BECN1: variants seen among roughly 807,000 people sequenced by gnomAD.
The protein encoded by BECN1 is beclin-1.
A neutral mutation model predicts 60.1 loss-of-function variants in BECN1; 15 were observed. The ratio of observed to expected loss-of-function variants is 0.25; its 90% CI spans 0.17 to 0.38. The LOEUF (loss-of-function observed/expected upper bound fraction) is 0.38. Among genes scored for constraint, BECN1 ranks in the 10% least tolerant of loss-of-function variants. BECN1 has a pLI of 1.00. For missense variants in BECN1, 424 were observed against 548.2 expected, an observed-to-expected ratio of 0.77 and a Z score of 2.26; for synonymous variants, 179 against 201.8, an observed-to-expected ratio of 0.89 and a Z score of 0.96.
intron 2 of BECN1, among the ~76,000 whole-genome samples, chr17:42,822,293 C>T (rs2055282458): frequency 6.6e-6 from 1 of 152,158 alleles, no homozygotes; most frequent in African/African-American, 2.4e-5. Context: ...ACTATTTGCC[C>T]AGCAAATTCC....
At chr17:42,821,952 G>T (rs1207967899) in intron 2 of BECN1, among the ~76,000 whole-genome samples, 2 of 152,138 alleles carry the variant, frequency 1.3e-5, no homozygotes, top group African/African-American at 4.8e-5. Context: ...CACGCCTGTA[G>T]TCCCAGCACT....
rs2055325851 is a variant in BECN1, at chr17:42,823,785, G to T, written c.93C>A (p.Phe31Leu). 6.2e-7 allele frequency: 1 copy of T among 1,614,094 alleles called. No homozygotes were observed. ...GGATGGTGACACGGTCCAGGATCTT[G>T]AAACTCGTGTCCAGTTTCAGGGGCT... Reference protein sequence around the residue: ...CSQPLKLDTSFKILDRVTIQE... With the variant: ...CSQPLKLDTSLKILDRVTIQE... The change falls in exon 2 of 12, where the codon TTC becomes TTA. Residue 31 changes from phenylalanine to leucine, a missense_variant. Coordinates refer to ENST00000590099, the MANE Select transcript of BECN1 (RefSeq NM_001313998.2).
At chr17:42,823,094 AC>A (rs1157040667) in intron 2 of BECN1, among the ~76,000 whole-genome samples, 2 of 152,108 alleles carry the variant, frequency 1.3e-5, no homozygotes, top group African/African-American at 4.8e-5. Context: ...ATGACGGTAT[AC>A]CCCGTACGGG....
At chr17:42,811,543 C>T in intron 11 of BECN1, 112 bp downstream of exon 11, 1 of 1,401,180 alleles carries the variant, frequency 7.1e-7, no homozygotes, top group Non-Finnish European at 9.7e-7. Flanking sequence ...TGATTCTGTG[C>T]CATTTTTTTG....
chr17:42,814,816 C>A, intron 8 of BECN1, 143 bp from the exon 9 acceptor site: 2 of 1,050,216 alleles, frequency 1.9e-6, no homozygotes, highest in Non-Finnish European at 2.7e-6. Flanking sequence ...AATACATGTC[C>A]AAAACTTGAG....
intron 5 of BECN1, 33 bp downstream of exon 5, chr17:42,818,754 C>G: frequency 1.2e-6 from 2 of 1,613,998 alleles, no homozygotes; most frequent in Non-Finnish European, 1.7e-6. Flanking sequence ...CCAGCCAGGC[C>G]TACTGCTTGC....
chr17:42,821,810 T>C (rs1171531434), intron 2 of BECN1, among the ~76,000 whole-genome samples: 1 of 152,172 alleles, frequency 6.6e-6, no homozygotes, highest in Non-Finnish European at 1.5e-5. Context: ...AATGTGAGAA[T>C]ATGGCTGATT....
chr17:42,823,391 A>C (rs2055312515), intron 2 of BECN1, among the ~76,000 whole-genome samples: 2 of 152,024 alleles, frequency 1.3e-5, no homozygotes, highest in South Asian at 4.1e-4. Flanking sequence ...AGTAGCTGGG[A>C]CTACAGGCAC....
rs1445415498 is a variant in BECN1, at chr17:42,820,897, C to T, written c.131-56G>A. ...CAGTCTTATTAAAGCAGGAGGGCAT[C>T]TGAAAGTATGGGAAAAGAATGTGAA... On this transcript the variant is annotated intron_variant, in intron 2 of 11. Transcript: ENST00000590099. The T allele has an allele frequency of 2.8e-6, 4 of 1,451,072 alleles. No individual in the cohort carries two copies. In the African/African-American group the frequency reaches 5.6e-5, roughly 20 times the overall value. The allele number at this position is 1,451,072 out of a possible 1,614,324, so 89.9% of individuals were successfully genotyped here. A position where few individuals can be genotyped will look rare whatever the true frequency, so the allele number is the denominator to read the frequency against.
chr17:42,818,860 C>T lies in BECN1; in HGVS notation c.278G>A (p.Ser93Asn), dbSNP rs2055202061. The T allele has an allele frequency of 3.7e-6, 6 of 1,614,060 alleles. No homozygotes were observed. Among genetic ancestry groups the T allele is most frequent in the Non-Finnish European group, 5.1e-6 (6 of 1,180,034 alleles). ...CCCAATCAGAGTGAAGCTGTTGGCA[C>T]TTTCTGTGGACATCATCCTGCAGAC... is the stretch of plus-strand genomic sequence containing the variant. ...IPPARMMSTE[S>N]ANSFTLIGEA... The change falls in exon 5 of 12, where the codon AGT (serine) becomes AAT (asparagine). Residue 93 changes from serine (S) to asparagine (N), a missense_variant. Physicochemically the swap from Ser to Asn is conservative, Grantham distance 46 (BLOSUM62 1). Around this residue, in one of 3 missense-constraint regions of BECN1, gnomAD observed 96 missense variants for 125.6 expected, o/e 0.76. Coordinates refer to ENST00000590099, the MANE Select transcript of BECN1 (RefSeq NM_001313998.2).
chr17:42,821,379 T>C (rs1459081317), intron 2 of BECN1, among the ~76,000 whole-genome samples: 1 of 152,186 alleles, frequency 6.6e-6, no homozygotes, highest in Non-Finnish European at 1.5e-5. Flanking sequence ...TAAGAATCCT[T>C]ATCTGTCAAA....
intron 11 of BECN1, 38 bp downstream of exon 11, chr17:42,811,617 G>T: frequency 1.3e-6 from 2 of 1,584,636 alleles, no homozygotes; most frequent in South Asian, 1.1e-5. Flanking sequence ...GTTCAATTTG[G>T]TCCTATACAA....
Position 42,823,977 on chromosome 17 carries a change from G to C in BECN1, c.-2-98C>G, listed in dbSNP as rs541675886. 4.1e-6 allele frequency: 6 copies of C among 1,457,320 alleles called. No homozygotes were observed. The African/African-American group carries it at 8.4e-5, about 20-fold the overall frequency. The allele number at this position is 1,457,320 out of a possible 1,614,324, so 90.3% of individuals were successfully genotyped here. On this transcript the variant is annotated intron_variant, in intron 1 of 11. Transcript: ENST00000590099. ...CCTTGGTGACGATGGTAAAGGGAGG[G>C]AAGTCCCAACCTGCGCCGTTCCCTC...
intron 7 of BECN1, among the ~76,000 whole-genome samples, chr17:42,816,800 G>A (rs1315734866): frequency 4.1e-5 from 6 of 146,826 alleles, no homozygotes; most frequent in Admixed American, 2.7e-4. Flanking sequence ...GTGAAATTCC[G>A]TCTCTACTAA....
chr17:42,821,984 A>C (rs1359170761), intron 2 of BECN1, among the ~76,000 whole-genome samples: 1 of 152,228 alleles, frequency 6.6e-6, no homozygotes, highest in Non-Finnish European at 1.5e-5. Flanking sequence ...AGGCGGGCAG[A>C]TCACAAGGTC....
chr17:42,824,019 C>T, intron 1 of BECN1, 136 bp downstream of exon 1: 1 of 1,097,830 alleles, frequency 9.1e-7, no homozygotes. Context: ...TGGTATGATA[C>T]GGGGAGGACC....
chr17:42,821,468 T>C (rs970203213), intron 2 of BECN1, among the ~76,000 whole-genome samples: 1 of 152,216 alleles, frequency 6.6e-6, no homozygotes, highest in African/African-American at 2.4e-5. Context: ...GATGGGGCTG[T>C]AGACAAAACT....
chr17:42,818,544 T>G lies in BECN1; in HGVS notation c.488A>C (p.Lys163Thr), dbSNP rs781350341. 6.2e-7 allele frequency: 1 copy of G among 1,614,164 alleles called. No individual in the cohort carries two copies. Among genetic ancestry groups the G allele is most frequent in the Non-Finnish European group, 8.5e-7 (1 of 1,180,012 alleles). ...NVTENECQNY[K>T]RCLEILEQMN... ...GAGCCCTGGCTCTGGAGACACTCAC[T>G]TGTAGTTCTGACACTCATTTTCAGT... Residue 163 changes from lysine (K) to threonine (T), a missense_variant and splice_region_variant, in exon 6 of 12, where the codon AAA (lysine) becomes ACA (threonine). Transcript: ENST00000590099.
At position 42,810,764 on chromosome 17, in the gene BECN1, T is replaced by G. The variant is rs769656999; in HGVS notation, c.1349A>C (p.Lys450Thr). 1 of 1,599,582 alleles carries G rather than the reference T, an allele frequency of 6.3e-7. No individual in the cohort carries two copies. Among genetic ancestry groups the G allele is most frequent in the African/African-American group, 1.3e-5 (1 of 74,352 alleles). ...ACCTCCCCCTAAGGAAAAAAGTCAT[T>G]TGTTATAAAATTGTGAGGACACCCA... ...LAWVSSQFYNK is the reference protein window; with the variant it reads ...LAWVSSQFYNT The change falls in exon 12 of 12, where the codon AAA becomes ACA. Residue 450 changes from lysine (K) to threonine (T), a missense_variant. Around this residue, in one of 3 missense-constraint regions of BECN1, gnomAD observed 326 missense variants for 406.2 expected, o/e 0.80. Transcript: ENST00000590099.
Sources: gnomAD v4.1 joint callset for allele counts (sites outside exome capture counted in the v4.1 genomes callset) on GRCh38, gnomAD v4.1.1 for gene constraint, gnomAD v4.1.1 regional missense constraint, MANE v1.5 for transcripts, NCBI Gene and HGNC (gene_info 2026-07-23, HGNC 2026-07-21) for gene names.